PPARGC1A: variants seen among roughly 807,000 people sequenced by gnomAD.
The protein encoded by PPARGC1A is peroxisome proliferator-activated receptor gamma coactivator 1-alpha.
A neutral mutation model predicts 88.7 loss-of-function variants in PPARGC1A; 25 were observed. The ratio of observed to expected loss-of-function variants is 0.28; its 90% confidence interval spans 0.21 to 0.39. The LOEUF (loss-of-function observed/expected upper bound fraction) is 0.39. Ranked by LOEUF, PPARGC1A falls within the 10% of genes least tolerant of loss-of-function variation. PPARGC1A has a pLI of 1.00. For synonymous variants in PPARGC1A, 363 were observed against 355.6 expected (o/e 1.02, Z -0.24); for missense variants, 880 against 968.7 (o/e 0.91, Z 1.22).
At chr4:24,188,823 C>A in the PPARGC1A span, among the ~76,000 whole-genome samples, 353 of 152,126 alleles carry the variant, frequency 2.3e-3, 3 homozygotes, top group African/African-American at 8.0e-3. Context: ...TCAGCAGGGT[C>A]TCAAAAATAT....
chr4:24,143,005 A>G, the PPARGC1A span, among the ~76,000 whole-genome samples: 14 of 152,198 alleles, frequency 9.2e-5, no homozygotes, highest in African/African-American at 3.4e-4. Context: ...GAGGAGCAAA[A>G]TATGTTATTA....
the PPARGC1A span, among the ~76,000 whole-genome samples, chr4:24,016,942 A>G: frequency 6.6e-6 from 1 of 152,114 alleles, no homozygotes; most frequent in Admixed American, 6.6e-5. Flanking sequence ...CACTCCTTTT[A>G]GTGGAGAAGA....
the PPARGC1A span, among the ~76,000 whole-genome samples, chr4:23,976,506 C>G: frequency 6.6e-6 from 1 of 152,192 alleles, no homozygotes; most frequent in Admixed American, 6.5e-5. Context: ...GACAACCTTT[C>G]CAGCAGCTGT....
chr4:23,800,804 T>A (rs1345376434), intron 12 of PPARGC1A, among the ~76,000 whole-genome samples: 1 of 151,718 alleles, frequency 6.6e-6, no homozygotes, highest in East Asian at 1.9e-4. Context: ...ACAGGAAAAA[T>A]TAATATTATG....
the PPARGC1A span, among the ~76,000 whole-genome samples, chr4:24,010,953 T>G: frequency 1.1e-4 from 17 of 152,088 alleles, no homozygotes; most frequent in African/African-American, 3.6e-4. Context: ...CATACAGAAA[T>G]TCAGGGAAAT....
rs557320680 is a variant in PPARGC1A at position 23,832,632 on chromosome 4, C to T, written c.235-881G>A. 1.9e-3 allele frequency among the ~76,000 whole-genome samples: 265 copies of T among 136,592 alleles called. 1 individual carries two copies. Among genetic ancestry groups the T allele is most frequent in the African/African-American group, 6.9e-3 (242 of 34,842 alleles). The allele number at this position is 136,592 out of a possible 152,430, so 89.6% of individuals were successfully genotyped here. ...TTTTTCTTTTTTTTTTTTTTTGAGACAGGGTCTTGCTCTATCGCCCAGACT... is the reference window on the plus strand; with the variant it reads ...TTTTTCTTTTTTTTTTTTTTTGAGATAGGGTCTTGCTCTATCGCCCAGACT... On this transcript the variant is annotated intron_variant, in intron 2 of 12. Coordinates refer to ENST00000264867, the MANE Select transcript of PPARGC1A (RefSeq NM_013261.5).
At chr4:24,439,451 G>A in the PPARGC1A span, among the ~76,000 whole-genome samples, 312 of 152,264 alleles carry the variant, frequency 2.0e-3, 2 homozygotes, top group South Asian at 0.016. Context: ...TCCATTCTCT[G>A]CACTTGCTAT....
the PPARGC1A span, among the ~76,000 whole-genome samples, chr4:23,981,430 T>C: frequency 3.8e-4 from 58 of 152,258 alleles, no homozygotes; most frequent in African/African-American, 1.3e-3. Context: ...GTTCCAAGGA[T>C]ACAATTGCCA....
chr4:24,326,392 G>T, the PPARGC1A span, among the ~76,000 whole-genome samples: 1 of 152,044 alleles, frequency 6.6e-6, no homozygotes, highest in African/African-American at 2.4e-5. Context: ...ACCCCATGGT[G>T]CCAAACCCAT....
chr4:24,452,264 A>AACACAC, the PPARGC1A span, among the ~76,000 whole-genome samples: 55 of 147,328 alleles, frequency 3.7e-4, no homozygotes, highest in East Asian at 4.9e-3. Context: ...CCCACACACA[A>AACACAC]ACACACACAC....
chr4:24,099,375 T>C, the PPARGC1A span, among the ~76,000 whole-genome samples: 1 of 151,730 alleles, frequency 6.6e-6, no homozygotes, highest in Non-Finnish European at 1.5e-5. Flanking sequence ...TCTGTCATTG[T>C]CTATGAAATT....
chr4:24,427,630 CA>C, the PPARGC1A span, among the ~76,000 whole-genome samples: 1 of 152,232 alleles, frequency 6.6e-6, no homozygotes, highest in East Asian at 1.9e-4. Flanking sequence ...TGCAGCGTGC[CA>C]TAGGTGGGTG....
the PPARGC1A span, among the ~76,000 whole-genome samples, chr4:24,405,850 C>T: frequency 6.6e-6 from 1 of 152,120 alleles, no homozygotes; most frequent in East Asian, 1.9e-4. Flanking sequence ...TTCACTCTCC[C>T]CTTTCTTTTT....
the PPARGC1A span, among the ~76,000 whole-genome samples, chr4:24,385,147 G>A: frequency 6.6e-6 from 1 of 152,054 alleles, no homozygotes; most frequent in African/African-American, 2.4e-5. Flanking sequence ...CTACTGGGGG[G>A]TAAATAACAA....
At chr4:24,419,492 A>T in the PPARGC1A span, among the ~76,000 whole-genome samples, 30 of 148,258 alleles carry the variant, frequency 2.0e-4, no homozygotes, top group African/African-American at 7.3e-4. Context: ...AAAGAACCCT[A>T]CAATCCCGAA....
the PPARGC1A span, among the ~76,000 whole-genome samples, chr4:24,451,380 A>G: frequency 6.6e-6 from 1 of 152,218 alleles, no homozygotes; most frequent in African/African-American, 2.4e-5. Flanking sequence ...GCTGACTTCT[A>G]AAACAAGCAC....
chr4:24,298,090 G>A, the PPARGC1A span, among the ~76,000 whole-genome samples: 1 of 151,890 alleles, frequency 6.6e-6, no homozygotes, highest in East Asian at 1.9e-4. Flanking sequence ...TCCAATTAGA[G>A]TCAGTAGTCA....
At chr4:24,305,362 TTCACTATCTGTG>T in the PPARGC1A span, among the ~76,000 whole-genome samples, 2 of 152,106 alleles carry the variant, frequency 1.3e-5, no homozygotes, top group Non-Finnish European at 2.9e-5. Flanking sequence ...GGCTTTTCCA[TTCACTATCTGTG>T]TGACTTTGGG....
chr4:24,136,373 T>A, the PPARGC1A span, among the ~76,000 whole-genome samples: 9 of 152,146 alleles, frequency 5.9e-5, no homozygotes, highest in Middle Eastern at 3.4e-3. Flanking sequence ...AGACGTAGAG[T>A]TACAGTGTAT....
Sources: allele counts gnomAD v4.1 joint callset (sites outside exome capture counted in the v4.1 genomes callset), GRCh38; gene constraint gnomAD v4.1.1; transcripts MANE v1.5; gene names NCBI Gene and HGNC (gene_info 2026-07-23, HGNC 2026-07-21).